SLC25A48: variants seen among roughly 807,000 people sequenced by gnomAD.
SLC25A48 encodes CTC-321K16.1.
A neutral mutation model predicts 32.2 loss-of-function variants in SLC25A48; 29 were observed. The observed-to-expected ratio is 0.90, with a 90% confidence interval of 0.67 to 1.23. The LOEUF is 1.23. Ranked by LOEUF, SLC25A48 falls within the 50% of genes most tolerant of loss-of-function variation. SLC25A48 has a pLI of 0.00. For synonymous variants in SLC25A48, 164 were observed against 172.3 expected, an observed-to-expected ratio of 0.95 and a Z score of 0.38; for missense variants, 399 against 422.7, an observed-to-expected ratio of 0.94 and a Z score of 0.49.
intron 3 of SLC25A48, among the ~76,000 whole-genome samples, chr5:135,664,823 G>T (rs1753484189): frequency 6.6e-6 from 1 of 152,082 alleles, no homozygotes; most frequent in Non-Finnish European, 1.5e-5. Context: ...CCACTCATTG[G>T]TCGATGGGTG....
chr5:135,647,409 C>T (rs1752989089), intron 3 of SLC25A48, among the ~76,000 whole-genome samples: 1 of 152,186 alleles, frequency 6.6e-6, no homozygotes, highest in Non-Finnish European at 1.5e-5. Flanking sequence ...CCCTCAAGCA[C>T]AGCACAGTCA....
chr5:135,734,419 G>T (rs1225749173), intron 3 of SLC25A48, among the ~76,000 whole-genome samples: 1 of 152,130 alleles, frequency 6.6e-6, no homozygotes, highest in Non-Finnish European at 1.5e-5. Context: ...CCAGAGTGGG[G>T]GAGTTTTAAG....
At chr5:135,627,963 C>T (rs11748585) in intron 1 of SLC25A48, among the ~76,000 whole-genome samples, 10,549 of 152,206 alleles carry the variant, frequency 0.069, 372 homozygotes, top group South Asian at 0.14. Context: ...CCCTGCCCAC[C>T]ATGAACCCCC....
At chr5:135,615,775 A>G (rs1376169173) in intron 1 of SLC25A48, among the ~76,000 whole-genome samples, 2 of 152,236 alleles carry the variant, frequency 1.3e-5, no homozygotes, top group African/African-American at 4.8e-5. Flanking sequence ...GACAATGGGA[A>G]AAAGTCCCTG....
intron 3 of SLC25A48, among the ~76,000 whole-genome samples, chr5:135,739,673 A>G (rs540615835): frequency 3.5e-4 from 53 of 152,346 alleles, no homozygotes; most frequent in Non-Finnish European, 7.5e-4. Context: ...CTTGACTTTA[A>G]TCAAGACATA....
chr5:135,616,397 ACTC>A (rs1251692263), intron 1 of SLC25A48, among the ~76,000 whole-genome samples: 2 of 152,010 alleles, frequency 1.3e-5, no homozygotes, highest in Non-Finnish European at 2.9e-5. Flanking sequence ...TTGGGAAAAT[ACTC>A]CTTGCATCAG....
chr5:135,625,516 C>T (rs1752422806), intron 1 of SLC25A48, among the ~76,000 whole-genome samples: 3 of 152,106 alleles, frequency 2.0e-5, no homozygotes, highest in Admixed American at 2.0e-4. Flanking sequence ...CTCTGTGGGA[C>T]ATGATGTGGC....
chr5:135,638,881 C>T (rs1181994263), intron 3 of SLC25A48, among the ~76,000 whole-genome samples: 2 of 152,076 alleles, frequency 1.3e-5, no homozygotes, highest in African/African-American at 4.8e-5. Context: ...TCAAGAAAGC[C>T]AATGACAAGG....
At chr5:135,795,824 G>C (rs549069701) in intron 3 of SLC25A48, among the ~76,000 whole-genome samples, 43 of 150,566 alleles carry the variant, frequency 2.9e-4, no homozygotes, top group Non-Finnish European at 5.8e-4. Flanking sequence ...ATCCAGGGGG[G>C]AGAGGGTGAT....
intron 3 of SLC25A48, among the ~76,000 whole-genome samples, chr5:135,749,077 T>C (rs950562058): frequency 1.3e-5 from 2 of 152,114 alleles, no homozygotes; most frequent in Non-Finnish European, 2.9e-5. Context: ...CCTTAAGACA[T>C]TTCCTGGCGG....
At chr5:135,602,032 T>C (rs1375745186) in intron 1 of SLC25A48, among the ~76,000 whole-genome samples, 1 of 152,244 alleles carries the variant, frequency 6.6e-6, no homozygotes, top group Non-Finnish European at 1.5e-5. Context: ...TTAGTGCACC[T>C]GTCTCTGGCA....
chr5:135,595,396 G>T (rs947019842), intron 1 of SLC25A48, among the ~76,000 whole-genome samples: 3 of 152,178 alleles, frequency 2.0e-5, no homozygotes, highest in Non-Finnish European at 2.9e-5. Context: ...GGATTGGAAG[G>T]TTATTGATGG....
At chr5:135,812,251 A>G (rs1050112711) in intron 3 of SLC25A48, among the ~76,000 whole-genome samples, 1 of 152,192 alleles carries the variant, frequency 6.6e-6, no homozygotes, top group African/African-American at 2.4e-5. Context: ...ATTTGTAACA[A>G]TCACATCAGG....
At chr5:135,825,597 G>C (rs1330074237) in intron 4 of SLC25A48, 1 of 152,738 alleles carries the variant, frequency 6.5e-6, no homozygotes, top group Non-Finnish European at 1.5e-5. Flanking sequence ...CGGGTATCTG[G>C]GCCTGAACCT....
intron 3 of SLC25A48, among the ~76,000 whole-genome samples, chr5:135,663,908 C>T (rs1321832301): frequency 2.6e-5 from 4 of 152,150 alleles, no homozygotes; most frequent in Admixed American, 6.5e-5. Flanking sequence ...GGGTGATGCC[C>T]GTACATGAGC....
At chr5:135,662,557 C>A (rs1753428970) in intron 3 of SLC25A48, among the ~76,000 whole-genome samples, 2 of 152,156 alleles carry the variant, frequency 1.3e-5, no homozygotes, top group African/African-American at 4.8e-5. Flanking sequence ...CAGAGAGATA[C>A]AGCCAATGGG....
intron 3 of SLC25A48, among the ~76,000 whole-genome samples, chr5:135,778,033 T>G (rs1327761326): frequency 7.4e-6 from 1 of 134,238 alleles, no homozygotes; most frequent in Non-Finnish European, 1.6e-5. Context: ...GGGGAGAGGC[T>G]GATATGTCTC....
At position 135,789,400 on chromosome 5, in the gene SLC25A48, C is replaced by A. The variant is rs117193836; in HGVS notation, c.-520-23123C>A. ...ATCCAGTGAAGAGAGGGTGTTATTA[C>A]TCCCCAGGTGGCCGGGGTGTATACC... On this transcript the variant is annotated intron_variant, in intron 3 of 10. Coordinates refer to the SLC25A48 transcript ENST00000646290. 3.1e-4 allele frequency among the ~76,000 whole-genome samples: 46 copies of A among 150,166 alleles called. 1 individual carries two copies. In the East Asian group the frequency reaches 9.2e-3, roughly 30 times the overall value.
intron 3 of SLC25A48, among the ~76,000 whole-genome samples, chr5:135,648,021 C>T (rs922530909): frequency 1.7e-4 from 26 of 152,300 alleles, no homozygotes; most frequent in African/African-American, 5.8e-4. Context: ...CCTCTCTGGG[C>T]TCAGGCCTGT....
Sources: gnomAD v4.1 joint callset for allele counts (sites outside exome capture counted in the v4.1 genomes callset) on GRCh38, gnomAD v4.1.1 for gene constraint, MANE v1.5 for transcripts, NCBI Gene and HGNC (gene_info 2026-07-23, HGNC 2026-07-21) for gene names.